ROBO2: variants seen among roughly 807,000 people sequenced by gnomAD.
The protein encoded by ROBO2 is roundabout guidance receptor 2, also known as roundabout homolog 2.
Under a neutral mutation model 160.8 loss-of-function variants are expected in ROBO2, and 53 were observed. The observed-to-expected ratio is 0.33, with a 90% CI of 0.26 to 0.41. The LOEUF (loss-of-function observed/expected upper bound fraction) is 0.41, where lower values mean the gene tolerates loss of function less well. ROBO2 is among the 10% of genes least tolerant of loss of function. ROBO2 has a pLI of 1.00. For synonymous variants in ROBO2, 664 were observed against 611.7 expected (o/e 1.09, Z -1.26); for missense variants, 1,577 against 1,722.4 (o/e 0.92, Z 1.49).
chr3:77,188,983 G>GAGAA (rs141611728), intron 2 of ROBO2, among the ~76,000 whole-genome samples: 18,823 of 147,910 alleles, frequency 0.13, 1,289 homozygotes, highest in Middle Eastern at 0.2. Flanking sequence ...GAGAGAGAGA[G>GAGAA]AGAGAGAGAG....
chr3:76,622,190 G>GA lies in ROBO2; in HGVS notation c.110-475821dup, dbSNP rs1194524193. On this transcript the variant is annotated intron_variant, in intron 2 of 26. Transcript: ENST00000487694. Reference sequence around the variant, plus strand: ...AAGACCTCATATCTACTAAAAAAAAGAAAGGAAGGAAGGAAGGAAGGAAGG... The same window carrying GA: ...AAGACCTCATATCTACTAAAAAAAAGAAAAGGAAGGAAGGAAGGAAGGAAGG... 1.0e-4 allele frequency among the ~76,000 whole-genome samples: 4 copies of GA among 38,220 alleles called. 1 individual carries two copies. The highest frequency in any genetic ancestry group is 4.0e-4 in the African/African-American group (4 of 9,886). 25.1% of individuals were successfully genotyped at this position (38,220 alleles called of 152,430 possible). A position where few individuals can be genotyped will look rare whatever the true frequency, so the allele number is the denominator to read the frequency against.
chr3:77,267,110 A>T (rs2059172540), intron 2 of ROBO2, among the ~76,000 whole-genome samples: 1 of 152,186 alleles, frequency 6.6e-6, no homozygotes, highest in African/African-American at 2.4e-5. Flanking sequence ...ATTGAAACAT[A>T]AAAGTTCAGG....
intron 2 of ROBO2, among the ~76,000 whole-genome samples, chr3:76,267,736 T>A (rs910333172): frequency 1.3e-5 from 2 of 152,156 alleles, no homozygotes; most frequent in African/African-American, 4.8e-5. Context: ...TACAATATAA[T>A]GTTAGAATAC....
chr3:76,065,053 G>A (rs1446807805), intron 2 of ROBO2, among the ~76,000 whole-genome samples: 1 of 151,824 alleles, frequency 6.6e-6, no homozygotes, highest in Non-Finnish European at 1.5e-5. Context: ...TAGATAAGTT[G>A]AAACAACTTA....
At chr3:76,074,478 G>T (rs1042688156) in intron 2 of ROBO2, among the ~76,000 whole-genome samples, 2 of 152,186 alleles carry the variant, frequency 1.3e-5, no homozygotes, top group Non-Finnish European at 2.9e-5. Context: ...TGTGTAATCA[G>T]ATTAGAATTT....
chr3:76,647,677 C>T (rs1156472430), intron 2 of ROBO2, among the ~76,000 whole-genome samples: 1 of 151,468 alleles, frequency 6.6e-6, no homozygotes, highest in Non-Finnish European at 1.5e-5. Context: ...GCACTGTGCA[C>T]GTGGACAGGA....
chr3:76,047,489 G>C (rs73841090), intron 2 of ROBO2, among the ~76,000 whole-genome samples: 3,128 of 152,272 alleles, frequency 0.021, 44 homozygotes, highest in East Asian at 0.08. Context: ...GCCGTCAGTG[G>C]AGATTGACAG....
intron 1 of ROBO2, 112 bp downstream of exon 1, chr3:77,040,958 A>C (rs548274433): frequency 2.1e-6 from 3 of 1,459,728 alleles, no homozygotes; most frequent in African/African-American, 2.8e-5. Flanking sequence ...TATGTCTGTT[A>C]GTCCGTTTTG....
intron 2 of ROBO2, among the ~76,000 whole-genome samples, chr3:76,693,114 T>A (rs1479578556): frequency 6.7e-6 from 1 of 150,082 alleles, no homozygotes; most frequent in Non-Finnish European, 1.5e-5. Flanking sequence ...TCCCTATATA[T>A]GTATGTGTAT....
At chr3:76,080,915 A>C (rs1343634480) in intron 2 of ROBO2, among the ~76,000 whole-genome samples, 1 of 152,158 alleles carries the variant, frequency 6.6e-6, no homozygotes, top group African/African-American at 2.4e-5. Flanking sequence ...CAATCTTACA[A>C]TTGTTTGTCC....
chr3:76,367,742 CT>C (rs1400482805), intron 2 of ROBO2, among the ~76,000 whole-genome samples: 1 of 151,786 alleles, frequency 6.6e-6, no homozygotes, highest in Admixed American at 6.6e-5. Flanking sequence ...CAGATATTTT[CT>C]TTTTCAAAAT....
rs1222320248 is a variant in ROBO2, at chr3:76,272,788, AAAT to A, written c.109+335188_109+335190del. ...TATATATTTATATATAAAATATATAAAATATATATATATAAAATATATAATATG... is the reference window on the plus strand; with the variant it reads ...TATATATTTATATATAAAATATATAAATATATATATAAAATATATAATATG... On this transcript the variant is annotated intron_variant, in intron 2 of 26. Coordinates refer to the ROBO2 transcript ENST00000487694. Among the ~76,000 whole-genome samples, 23 of 16,304 alleles carry A rather than the reference AAAT, an allele frequency of 1.4e-3. 2 individuals carry two copies. In the East Asian group the frequency reaches 0.045, roughly 32 times the overall value. 10.7% of individuals were successfully genotyped at this position (16,304 alleles called of 152,430 possible). A position where few individuals can be genotyped will look rare whatever the true frequency, so the allele number is the denominator to read the frequency against.
intron 2 of ROBO2, among the ~76,000 whole-genome samples, chr3:76,741,458 C>G (rs928003779): frequency 1.3e-5 from 2 of 151,890 alleles, no homozygotes; most frequent in Non-Finnish European, 2.9e-5. Flanking sequence ...GATGCCCTTG[C>G]CTAGAAATGT....
intron 2 of ROBO2, among the ~76,000 whole-genome samples, chr3:77,471,243 TA>T (rs958358163): frequency 1.4e-4 from 22 of 151,774 alleles, no homozygotes; most frequent in Non-Finnish European, 2.7e-4. Context: ...AGACTGAGGT[TA>T]AAAAAAAATT....
chr3:76,837,141 C>A (rs2067774122), intron 2 of ROBO2, among the ~76,000 whole-genome samples: 1 of 151,824 alleles, frequency 6.6e-6, no homozygotes. Context: ...CCTATAGATT[C>A]CCATGCTTTC....
rs539255742 is a variant in ROBO2, at chr3:76,875,412, A to G, written c.110-222602A>G. Among the ~76,000 whole-genome samples the G allele has an allele frequency of 3.3e-5, 5 of 152,350 alleles. No individual in the cohort carries two copies. The South Asian group carries it at 8.3e-4, about 25-fold the overall frequency. On this transcript the variant is annotated intron_variant, in intron 2 of 26. Coordinates refer to the ROBO2 transcript ENST00000487694. ...ATTCCTATGGCTGCTATAACAAATT[A>G]TCACAAACTTAGTGGTTTAAGACAA...
At chr3:76,363,732 A>C (rs2075656186) in intron 2 of ROBO2, among the ~76,000 whole-genome samples, 1 of 152,142 alleles carries the variant, frequency 6.6e-6, no homozygotes, top group Non-Finnish European at 1.5e-5. Flanking sequence ...TCAAAGGCTC[A>C]GAATGATCTG....
chr3:76,272,917 AAT>A (rs1420890963), intron 2 of ROBO2, among the ~76,000 whole-genome samples: 2 of 23,798 alleles, frequency 8.4e-5, no homozygotes, highest in African/African-American at 2.0e-4. Context: ...TTATATATAA[AAT>A]ATATATATTT....
intron 2 of ROBO2, among the ~76,000 whole-genome samples, chr3:76,476,010 A>C (rs142724379): frequency 0.017 from 2,617 of 152,160 alleles, 41 homozygotes; most frequent in Non-Finnish European, 0.027. Flanking sequence ...AAAATTAGCC[A>C]GGTGTGCTGG....
Sources: gnomAD v4.1 joint callset for allele counts (sites outside exome capture counted in the v4.1 genomes callset) on GRCh38, gnomAD v4.1.1 for gene constraint, MANE v1.5 for transcripts, NCBI Gene and HGNC (gene_info 2026-07-23, HGNC 2026-07-21) for gene names.